PDE4B: variants seen among roughly 807,000 people sequenced by gnomAD.
The protein encoded by PDE4B is 3',5'-cyclic-AMP phosphodiesterase 4B.
Under a neutral mutation model 82.2 loss-of-function variants are expected in PDE4B, and 20 were observed. The ratio of observed to expected loss-of-function variants is 0.24; its 90% CI spans 0.17 to 0.35. PDE4B has a LOEUF of 0.35. Among genes scored for constraint, PDE4B ranks in the 10% least tolerant of loss-of-function variants. PDE4B has a pLI of 1.00. For synonymous variants in PDE4B, 320 were observed against 318.9 expected (o/e 1.00, Z -0.04); for missense variants, 655 against 907.2 (o/e 0.72, Z 3.57).
chr1:66,247,737 C>T, intron 4 of PDE4B, 83 bp downstream of exon 4: 2 of 1,023,714 alleles, frequency 2.0e-6, no homozygotes, highest in Non-Finnish European at 2.8e-6. Flanking sequence ...AACAATTCCC[C>T]ATTAATCTAT....
intron 7 of PDE4B, among the ~76,000 whole-genome samples, chr1:66,287,593 A>C (rs1656769755): frequency 6.6e-6 from 1 of 152,124 alleles, no homozygotes; most frequent in Admixed American, 6.6e-5. Context: ...CCTGGGCCCA[A>C]ATTCTGGCCT....
intron 3 of PDE4B, among the ~76,000 whole-genome samples, chr1:66,208,354 G>A (rs1470652712): frequency 6.6e-6 from 1 of 152,172 alleles, no homozygotes; most frequent in African/African-American, 2.4e-5. Flanking sequence ...GGAATGAAGA[G>A]ATTAATGAGC....
chr1:66,067,502 G>C (rs1205311930), intron 3 of PDE4B, among the ~76,000 whole-genome samples: 3 of 152,098 alleles, frequency 2.0e-5, no homozygotes, highest in African/African-American at 7.2e-5. Flanking sequence ...AGAAGTGTCT[G>C]TTCATCTCCT....
intron 3 of PDE4B, among the ~76,000 whole-genome samples, chr1:66,117,063 A>G (rs1171512833): frequency 5.9e-5 from 9 of 152,090 alleles, no homozygotes; most frequent in Admixed American, 4.6e-4. Flanking sequence ...CAAAAATTCC[A>G]TTTTTTATTT....
chr1:65,982,424 C>G (rs1650737047), intron 3 of PDE4B, among the ~76,000 whole-genome samples: 1 of 152,102 alleles, frequency 6.6e-6, no homozygotes, highest in Admixed American at 6.6e-5. Context: ...AGTGTGAAGA[C>G]TGGAAAAATT....
At chr1:66,168,797 G>A (rs1294752886) in intron 3 of PDE4B, among the ~76,000 whole-genome samples, 1 of 152,182 alleles carries the variant, frequency 6.6e-6, no homozygotes, top group Non-Finnish European at 1.5e-5. Context: ...GTTAGAAACT[G>A]TTTTTCACAA....
rs761147896 is a variant in PDE4B, at chr1:66,367,819, G to A, written c.1508G>A (p.Arg503His). 2.8e-5 allele frequency: 45 copies of A among 1,613,650 alleles called. No individual in the cohort carries two copies. The highest frequency in any genetic ancestry group is 1.9e-4 in the South Asian group (17 of 91,056). Residue 503 changes from arginine (R) to histidine (H), a missense_variant, in exon 14 of 17, where the codon CGT becomes CAT. This residue lies in a region of PDE4B where 283 missense variants were observed against 516.4 expected (regional missense o/e 0.55). Transcript: ENST00000341517. ...TTCATGAATCTCACCAAGAAGCAGC[G>A]TCAGACACTCAGGAAGATGGTTATT... ...DIFMNLTKKQRQTLRKMVIDM... is the reference protein window; with the variant it reads ...DIFMNLTKKQHQTLRKMVIDM...
intron 3 of PDE4B, among the ~76,000 whole-genome samples, chr1:65,927,086 A>T: frequency 6.6e-6 from 1 of 152,078 alleles, no homozygotes; most frequent in East Asian, 1.9e-4. Flanking sequence ...ACTCATTGTC[A>T]GTAGACCTGA....
intron 3 of PDE4B, among the ~76,000 whole-genome samples, chr1:66,169,755 A>G (rs990423111): frequency 6.6e-6 from 1 of 152,232 alleles, no homozygotes; most frequent in Non-Finnish European, 1.5e-5. Flanking sequence ...CAACATGAGA[A>G]TGAAAACAGA....
At chr1:66,183,021 C>T (rs1647103386) in intron 3 of PDE4B, among the ~76,000 whole-genome samples, 1 of 152,160 alleles carries the variant, frequency 6.6e-6, no homozygotes, top group East Asian at 1.9e-4. Context: ...AACCTGTATC[C>T]AGCTTGTCTT....
At chr1:65,943,682 T>G (rs949180410) in intron 3 of PDE4B, among the ~76,000 whole-genome samples, 8 of 151,978 alleles carry the variant, frequency 5.3e-5, no homozygotes, top group African/African-American at 1.9e-4. Context: ...TTCAATGTTT[T>G]ACAGTTTTCA....
chr1:65,792,750 C>T (rs1645585422), upstream of PDE4B: 1 of 151,942 alleles, frequency 6.6e-6, no homozygotes. Context: ...ACCTACTACA[C>T]AGCATCTCGT....
At chr1:65,995,083 A>T (rs1222609934) in intron 3 of PDE4B, among the ~76,000 whole-genome samples, 1 of 152,184 alleles carries the variant, frequency 6.6e-6, no homozygotes, top group African/African-American at 2.4e-5. Context: ...CAAAAAAAAT[A>T]GGACTTTGAT....
chr1:66,281,248 C>T (rs1445472533), intron 7 of PDE4B, among the ~76,000 whole-genome samples: 1 of 152,280 alleles, frequency 6.6e-6, no homozygotes, highest in African/African-American at 2.4e-5. Context: ...TACTTATTGC[C>T]CCACTCCTCA....
At chr1:66,064,007 G>A (rs1655714882) in intron 3 of PDE4B, among the ~76,000 whole-genome samples, 1 of 151,912 alleles carries the variant, frequency 6.6e-6, no homozygotes, top group Non-Finnish European at 1.5e-5. Context: ...AATTAACAAT[G>A]AGTCAGTGAG....
intron 3 of PDE4B, among the ~76,000 whole-genome samples, chr1:66,087,580 C>G (rs1017295515): frequency 6.6e-6 from 1 of 151,974 alleles, no homozygotes; most frequent in Non-Finnish European, 1.5e-5. Context: ...ATGCCTATGT[C>G]CTGAATGGTA....
At chr1:66,278,518 G>T (rs1656058115) in intron 7 of PDE4B, among the ~76,000 whole-genome samples, 1 of 152,176 alleles carries the variant, frequency 6.6e-6, no homozygotes, top group Non-Finnish European at 1.5e-5. Context: ...TTCTCCATTT[G>T]CTGCCTTTGG....
At chr1:66,132,282 T>C (rs1239846323) in intron 3 of PDE4B, among the ~76,000 whole-genome samples, 2 of 152,228 alleles carry the variant, frequency 1.3e-5, no homozygotes, top group African/African-American at 2.4e-5. Flanking sequence ...TGGGAGAACA[T>C]AAGCTTTGTA....
chr1:66,058,128 C>T (rs983223223), intron 3 of PDE4B, among the ~76,000 whole-genome samples: 2 of 152,148 alleles, frequency 1.3e-5, no homozygotes, highest in Non-Finnish European at 2.9e-5. Context: ...GGGCTACAGG[C>T]CCCATGTAAG....
Sources: allele counts gnomAD v4.1 joint callset (sites outside exome capture counted in the v4.1 genomes callset), GRCh38; gene constraint gnomAD v4.1.1; regional missense constraint gnomAD v4.1.1; transcripts MANE v1.5; gene names NCBI Gene and HGNC (gene_info 2026-07-23, HGNC 2026-07-21).